ENTREP2: variants seen among roughly 807,000 people sequenced by gnomAD.
ENTREP2 encodes protein ENTREP2.
the ENTREP2 span, among the ~76,000 whole-genome samples, chr15:29,407,385 C>T: frequency 6.6e-6 from 1 of 152,170 alleles, no homozygotes; most frequent in African/African-American, 2.4e-5. Context: ...GACTGTATAT[C>T]TATCAAAAAT....
chr15:29,373,918 C>G, the ENTREP2 span: 1 of 151,784 alleles, frequency 6.6e-6, no homozygotes, highest in Non-Finnish European at 1.5e-5. Flanking sequence ...AAAAAAAAGG[C>G]AGGTTACAAA....
the ENTREP2 span, among the ~76,000 whole-genome samples, chr15:29,161,676 T>C: frequency 6.6e-6 from 1 of 152,198 alleles, no homozygotes; most frequent in African/African-American, 2.4e-5. Flanking sequence ...TTTGAAATTT[T>C]ACAGGCTCAT....
At chr15:29,136,329 C>CA in the ENTREP2 span, 1 of 1,465,930 alleles carries the variant, frequency 6.8e-7, no homozygotes, top group East Asian at 2.6e-5. Context: ...CTAGCATTCC[C>CA]ACGGGAACTG....
chr15:29,435,396 C>G, the ENTREP2 span, among the ~76,000 whole-genome samples: 1 of 152,108 alleles, frequency 6.6e-6, no homozygotes, highest in Non-Finnish European at 1.5e-5. Context: ...CTGCCTGGCA[C>G]TCCCAGGAAT....
the ENTREP2 span, among the ~76,000 whole-genome samples, chr15:29,658,170 C>T: frequency 6.6e-6 from 1 of 152,138 alleles, no homozygotes; most frequent in Non-Finnish European, 1.5e-5. Flanking sequence ...GGAGCAGTTT[C>T]CCCCATCCTG....
the ENTREP2 span, among the ~76,000 whole-genome samples, chr15:29,421,901 A>C: frequency 2.6e-5 from 4 of 152,198 alleles, no homozygotes; most frequent in African/African-American, 7.2e-5. Flanking sequence ...AACGGACTCT[A>C]AGTCCTGGAC....
At chr15:29,323,753 T>G in the ENTREP2 span, among the ~76,000 whole-genome samples, 1 of 152,008 alleles carries the variant, frequency 6.6e-6, no homozygotes, top group African/African-American at 2.4e-5. Context: ...TGGTGGCCAC[T>G]CCCTGCTGTG....
chr15:29,640,318 T>C, the ENTREP2 span, among the ~76,000 whole-genome samples: 11 of 152,002 alleles, frequency 7.2e-5, no homozygotes, highest in African/African-American at 1.5e-4. Context: ...TAGGGAAACA[T>C]AGAAGATATA....
At chr15:29,344,029 T>C in the ENTREP2 span, among the ~76,000 whole-genome samples, 1 of 152,202 alleles carries the variant, frequency 6.6e-6, no homozygotes, top group Non-Finnish European at 1.5e-5. Context: ...TTTAAATCCA[T>C]ATAATATTCT....
At chr15:29,234,981 A>T in the ENTREP2 span, 11 of 1,423,298 alleles carry the variant, frequency 7.7e-6, no homozygotes, top group Admixed American at 1.8e-4. Context: ...GTATTAACAC[A>T]GCCATCATGC....
At chr15:29,585,406 A>G in the ENTREP2 span, among the ~76,000 whole-genome samples, 1 of 152,238 alleles carries the variant, frequency 6.6e-6, no homozygotes, top group Non-Finnish European at 1.5e-5. Flanking sequence ...GATGCCCAAC[A>G]TCATCAGTCA....
the ENTREP2 span, among the ~76,000 whole-genome samples, chr15:29,231,221 T>C: frequency 6.6e-6 from 1 of 152,238 alleles, no homozygotes; most frequent in African/African-American, 2.4e-5. Context: ...TTTCTGATAG[T>C]CTACTACGAT....
chr15:29,204,455 T>C, the ENTREP2 span, among the ~76,000 whole-genome samples: 4 of 152,184 alleles, frequency 2.6e-5, no homozygotes, highest in East Asian at 7.7e-4. Context: ...GGCTGGCATG[T>C]GTCAAGCCCG....
chr15:29,318,631 T>C, the ENTREP2 span, among the ~76,000 whole-genome samples: 1 of 152,158 alleles, frequency 6.6e-6, no homozygotes, highest in Non-Finnish European at 1.5e-5. Flanking sequence ...AATTAAGGTA[T>C]GTACACTTTT....
the ENTREP2 span, among the ~76,000 whole-genome samples, chr15:29,395,351 A>G: frequency 6.6e-6 from 1 of 152,100 alleles, no homozygotes; most frequent in East Asian, 1.9e-4. Context: ...CCTTCTTTCA[A>G]TTCTTTTGGG....
chr15:29,474,118 T>C, the ENTREP2 span, among the ~76,000 whole-genome samples: 8 of 152,058 alleles, frequency 5.3e-5, no homozygotes, highest in African/African-American at 1.9e-4. Flanking sequence ...TTACTAGGAG[T>C]GAGAGCAGAG....
the ENTREP2 span, among the ~76,000 whole-genome samples, chr15:29,457,752 C>T: frequency 3.3e-5 from 5 of 152,228 alleles, no homozygotes; most frequent in African/African-American, 1.2e-4. Flanking sequence ...GAGAGACACA[C>T]TCGAGAGAAA....
chr15:29,137,021 G>A, the ENTREP2 span: 1,091 of 1,422,600 alleles, frequency 7.7e-4, 5 homozygotes, highest in African/African-American at 0.014. Flanking sequence ...GGGGGCAGCC[G>A]CGGGAGACCA....
At chr15:29,248,078 G>GT in the ENTREP2 span, among the ~76,000 whole-genome samples, 11 of 152,294 alleles carry the variant, frequency 7.2e-5, no homozygotes, top group African/African-American at 2.6e-4. Flanking sequence ...CTTAGTAATT[G>GT]TAACTTGCTG....
Sources: allele counts gnomAD v4.1 joint callset (sites outside exome capture counted in the v4.1 genomes callset), GRCh38; gene constraint gnomAD v4.1.1; transcripts MANE v1.5; gene names NCBI Gene and HGNC (gene_info 2026-07-23, HGNC 2026-07-21).